AHCTF1: variants seen among roughly 807,000 people sequenced by gnomAD.
AHCTF1 encodes protein ELYS.
AHCTF1 carries 24 observed loss-of-function variants against 248.4 expected under a neutral mutation model. The observed-to-expected ratio is 0.10, with a 90% CI of 0.07 to 0.14. AHCTF1 has a LOEUF of 0.14. Ranked by LOEUF, AHCTF1 falls within the 10% of genes least tolerant of loss-of-function variation. AHCTF1 has a pLI of 1.00. For missense variants in AHCTF1, 2,206 were observed against 2,636.2 expected, an observed-to-expected ratio of 0.84 and a Z score of 3.57; for synonymous variants, 786 against 929.8, an observed-to-expected ratio of 0.85 and a Z score of 2.81.
chr1:246,929,770 C>T (rs1667196361), intron 1 of AHCTF1, among the ~76,000 whole-genome samples: 2 of 152,066 alleles, frequency 1.3e-5, no homozygotes, highest in Non-Finnish European at 2.9e-5. Context: ...TATATCTGTA[C>T]CAGCCGGGCG....
chr1:246,865,685 G>A (rs1482121050), intron 26 of AHCTF1, among the ~76,000 whole-genome samples: 2 of 152,146 alleles, frequency 1.3e-5, no homozygotes, highest in African/African-American at 4.8e-5. Flanking sequence ...TCAAAAGCAA[G>A]GACTGTGCAA....
chr1:246,870,226 T>C (rs1452436756), intron 24 of AHCTF1, among the ~76,000 whole-genome samples: 1 of 152,132 alleles, frequency 6.6e-6, no homozygotes, highest in East Asian at 1.9e-4. Flanking sequence ...GGAGGATCAC[T>C]TGAGGCCATG....
chr1:246,905,040 C>A (rs1354789701), intron 6 of AHCTF1, among the ~76,000 whole-genome samples: 2 of 152,234 alleles, frequency 1.3e-5, no homozygotes, highest in Admixed American at 6.5e-5. Context: ...CGCACAATTT[C>A]TTCTGATAAC....
At position 246,902,596 on chromosome 1, in the gene AHCTF1, G is replaced by C. The variant is rs745707771; in HGVS notation, c.1046C>G (p.Thr349Ser). Residue 349 changes from threonine to serine, a missense_variant, in exon 8 of 36, where the codon ACC becomes AGC. Thr to Ser is a moderately conservative substitution (Grantham distance 58). Around this residue, in one of 6 missense-constraint regions of AHCTF1, gnomAD observed 650 missense variants for 870.8 expected, o/e 0.75. Coordinates refer to ENST00000648844, the MANE Select transcript of AHCTF1 (RefSeq NM_001323342.2). The part of the protein sequence containing the change: ...MFPLRGQTSN[T>S]KLLGCQSIEK... ...TATACTCTGGCATCCCAACAATTTG[G>C]TATTACTCGTCTGTCCCCTCAAAGG... 2 of 1,612,444 alleles carry C rather than the reference G, an allele frequency of 1.2e-6. No homozygotes were observed. The highest frequency in any genetic ancestry group is 1.1e-5 in the South Asian group (1 of 90,996).
Position 246,841,142 on chromosome 1 carries a change from G to A in AHCTF1, c.6609-144C>T, listed in dbSNP as rs1047596661. ...ATGTAATGGTTTCAAGGGAACTGAA[G>A]TGAAGCTTTAAGTCATATAAGCTAA... On this transcript the variant is annotated intron_variant, in intron 35 of 35. Coordinates refer to ENST00000648844, the MANE Select transcript of AHCTF1 (RefSeq NM_001323342.2). The A allele has an allele frequency of 4.9e-5, 33 of 678,572 alleles. No individual in the cohort carries two copies. In the African/African-American group the frequency reaches 6.0e-4, roughly 12 times the overall value. 42.0% of individuals were successfully genotyped at this position (678,572 alleles called of 1,614,324 possible).
intron 27 of AHCTF1, among the ~76,000 whole-genome samples, 154 bp downstream of exon 27, chr1:246,863,770 G>A (rs1222417400): frequency 6.6e-6 from 1 of 152,156 alleles, no homozygotes; most frequent in Non-Finnish European, 1.5e-5. Flanking sequence ...AATTAGCTCC[G>A]TTTTTAGAAG....
rs1434028274 is a variant in AHCTF1, at chr1:246,877,069, T to G, written c.2818A>C (p.Lys940Gln). The G allele has an allele frequency of 6.2e-7, 1 of 1,612,226 alleles. No individual in the cohort carries two copies. The highest frequency in any genetic ancestry group is 8.5e-7 in the Non-Finnish European group (1 of 1,179,958). Residue 940 changes from lysine to glutamine, a missense_variant, in exon 23 of 36, where the codon AAA becomes CAA. By Grantham distance (53) the Lys-to-Gln change is moderately conservative (BLOSUM62 1). Around this residue, in one of 6 missense-constraint regions of AHCTF1, gnomAD observed 955 missense variants for 1,055.6 expected, o/e 0.90. Transcript: ENST00000648844. ...FTDTEQECLV[K>Q]FLQSSASVQN... Reference sequence around the variant, plus strand: ...ACGCTGGCACTGGACTGCAAAAATTTCACTAAACATTCCTAAAAAGAACAA... The same window carrying G: ...ACGCTGGCACTGGACTGCAAAAATTGCACTAAACATTCCTAAAAAGAACAA...
chr1:246,857,886 C>CT, intron 29 of AHCTF1, 72 bp from the exon 30 acceptor site: 1 of 1,424,938 alleles, frequency 7.0e-7, no homozygotes. Flanking sequence ...TGCATTATTA[C>CT]TTTTTAAAAA....
rs1388972065 is a variant in AHCTF1, at chr1:246,867,046, T to C, written c.3347+198A>G. Among the ~76,000 whole-genome samples, 3 of 152,182 alleles carry C rather than the reference T, an allele frequency of 2.0e-5. No individual in the cohort carries two copies. In the East Asian group the frequency reaches 5.8e-4, roughly 29 times the overall value. On this transcript the variant is annotated intron_variant, in intron 26 of 35. Coordinates refer to ENST00000648844, the MANE Select transcript of AHCTF1 (RefSeq NM_001323342.2). ...TGTCCACTAAGCAGTCTGAAATTAT[T>C]GAACAAAAATTTTAAGTATACTACT...
chr1:246,902,431 CT>C, intron 8 of AHCTF1, 93 bp downstream of exon 8: 2 of 1,448,214 alleles, frequency 1.4e-6, no homozygotes, highest in Non-Finnish European at 1.9e-6. Flanking sequence ...TTCCAATTTT[CT>C]GAACTGCCAG....
chr1:246,840,209 T>C lies in AHCTF1; in HGVS notation c.*597A>G, dbSNP rs1659759322. The stretch of plus-strand genomic sequence containing the variant: ...GCTTGCCGAATAAGAGATGCCAACA[T>C]TATAGTTAACCAATACTTGGATTAT... On this transcript the variant is annotated 3_prime_UTR_variant, in exon 36 of 36. Transcript: ENST00000648844. The C allele has an allele frequency of 6.6e-6, 1 of 152,640 alleles. No individual in the cohort carries two copies. The highest frequency in any genetic ancestry group is 2.4e-5 in the African/African-American group (1 of 41,454). 9.5% of individuals were successfully genotyped at this position (152,640 alleles called of 1,614,324 possible). A position where few individuals can be genotyped will look rare whatever the true frequency, so the allele number is the denominator to read the frequency against.
chr1:246,853,989 T>C (rs1026241981), intron 31 of AHCTF1, among the ~76,000 whole-genome samples: 1 of 152,142 alleles, frequency 6.6e-6, no homozygotes, highest in Admixed American at 6.6e-5. Context: ...CAAACTTTAT[T>C]GGATACAACA....
intron 29 of AHCTF1, 94 bp from the exon 30 acceptor site, chr1:246,857,908 T>A: frequency 8.6e-7 from 1 of 1,164,024 alleles, no homozygotes; most frequent in Non-Finnish European, 1.2e-6. Flanking sequence ...TTGTTGGGTC[T>A]GCTTTTTTGT....
intron 17 of AHCTF1, 55 bp downstream of exon 17, chr1:246,889,911 T>G: frequency 1.5e-6 from 2 of 1,342,774 alleles, no homozygotes; most frequent in Non-Finnish European, 2.1e-6. Flanking sequence ...ATGAACACTA[T>G]TCTGAGAAAC....
Position 246,887,355 on chromosome 1 carries a change from G to A in AHCTF1, c.2328C>T (p.Thr776=), listed in dbSNP as rs763635578. The A allele has an allele frequency of 1.2e-6, 2 of 1,604,674 alleles. No individual in the cohort carries two copies. Among genetic ancestry groups the A allele is most frequent in the Non-Finnish European group, 8.5e-7 (1 of 1,176,194 alleles). ...GVTEAAKHSI[T]IYLLLDIMYS... ...ACATAATATCAAGTAGCAAATAAAT[G>A]GTCTTTTAAAAAGCGGATTAAGGAC... Residue 776 remains threonine, a splice_region_variant and synonymous_variant, in exon 20 of 36, where the codon ACC becomes ACT. Transcript: ENST00000648844.
intron 1 of AHCTF1, among the ~76,000 whole-genome samples, chr1:246,921,007 G>A (rs1049734104): frequency 2.7e-5 from 4 of 150,836 alleles, no homozygotes; most frequent in African/African-American, 9.9e-5. Context: ...CAGGAGAATC[G>A]CTTGAACCTG....
In AHCTF1 at chr1:246,861,981, A is replaced by G. The variant is rs1409743075; in HGVS notation, c.3713T>C (p.Val1238Ala). 6.2e-7 allele frequency: 1 copy of G among 1,611,290 alleles called. No homozygotes were observed. The highest frequency in any genetic ancestry group is 1.3e-5 in the African/African-American group (1 of 74,800). The change falls in exon 28 of 36, where the codon GTC becomes GCC. Residue 1238 changes from valine to alanine, a missense_variant. By Grantham distance (64) the Val-to-Ala change is moderately conservative. Around this residue, in one of 6 missense-constraint regions of AHCTF1, gnomAD observed 955 missense variants for 1,055.6 expected, o/e 0.90. Transcript: ENST00000648844. ...TACCCCAGGAATCCATTTTGGGTGG[A>G]CATCTTCTTCCACAAATGAAATTCT... ...ETRISFVEEDVHPKWIPGAAD... is the reference protein window; with the variant it reads ...ETRISFVEEDAHPKWIPGAAD...
At chr1:246,898,988 C>T (rs1223464102) in intron 11 of AHCTF1, among the ~76,000 whole-genome samples, 3 of 152,080 alleles carry the variant, frequency 2.0e-5, no homozygotes, top group Admixed American at 1.3e-4. Context: ...ATTCAGGTGG[C>T]GGAGGCAGAA....
chr1:246,861,089 G>T lies in AHCTF1; in HGVS notation c.3942C>A (p.Ser1314=), dbSNP rs181167824. The T allele has an allele frequency of 5.6e-5, 90 of 1,613,860 alleles. No homozygotes were observed. The highest frequency in any genetic ancestry group is 7.5e-5 in the Non-Finnish European group (88 of 1,180,002). ...SKGNSSVSIT[S]DETTLEYQDA... is the part of the protein sequence containing the mutation. Reference sequence around the variant, plus strand: ...CCTGATACTCTAAGGTAGTCTCATCGGATGTGATTGAAACACTGCTGTTTC... The same window carrying T: ...CCTGATACTCTAAGGTAGTCTCATCTGATGTGATTGAAACACTGCTGTTTC... The change falls in exon 29 of 36, where the codon TCC becomes TCA. Residue 1314 remains serine, a synonymous_variant. Coordinates refer to ENST00000648844, the MANE Select transcript of AHCTF1 (RefSeq NM_001323342.2).
Sources: gnomAD v4.1 joint callset for allele counts (sites outside exome capture counted in the v4.1 genomes callset) on GRCh38, gnomAD v4.1.1 for gene constraint, gnomAD v4.1.1 regional missense constraint, MANE v1.5 for transcripts, NCBI Gene and HGNC (gene_info 2026-07-23, HGNC 2026-07-21) for gene names.